The following BABAM2 variants were observed in gnomAD, a reference collection of about 807,000 sequenced individuals.
BABAM2 encodes BRISC and BRCA1-A complex member 2.
A neutral mutation model predicts 54.7 loss-of-function variants in BABAM2; 31 were observed. The ratio of observed to expected loss-of-function variants is 0.57; its 90% confidence interval spans 0.43 to 0.77. The LOEUF is 0.77. BABAM2 is among the 30% of genes least tolerant of loss of function. The pLI is 0.00. For missense variants in BABAM2, 364 were observed against 455.8 expected, an observed-to-expected ratio of 0.80 and a Z score of 1.83; for synonymous variants, 167 against 162.9, an observed-to-expected ratio of 1.03 and a Z score of -0.19.
chr2:27,910,338 A>C (rs1205762102), intron 2 of BABAM2, among the ~76,000 whole-genome samples: 2 of 152,218 alleles, frequency 1.3e-5, no homozygotes, highest in African/African-American at 2.4e-5. Context: ...TCAGAGAAAC[A>C]AAAAAGGTTA....
chr2:27,985,105 G>A (rs184470559), intron 3 of BABAM2, among the ~76,000 whole-genome samples: 3 of 133,408 alleles, frequency 2.2e-5, no homozygotes, highest in Admixed American at 8.1e-5. Flanking sequence ...GTGTAGCTAC[G>A]ATTTCTTTAT....
intron 2 of BABAM2, among the ~76,000 whole-genome samples, chr2:27,912,930 G>T (rs1666714070): frequency 6.6e-6 from 1 of 152,120 alleles, no homozygotes; most frequent in African/African-American, 2.4e-5. Context: ...CACTTGGAAA[G>T]AAATAAATTA....
rs148420287 is a variant in BABAM2, at chr2:27,903,297, A to G, written c.128+8613A>G. ...AAATGTCATGATAGCCAGTAGGACA[A>G]ATTCCCCCCTTCCATCTTGTTCTAA... is the stretch of plus-strand genomic sequence containing the variant. On this transcript the variant is annotated intron_variant, in intron 2 of 11. Transcript: ENST00000379624. Among the ~76,000 whole-genome samples, 157 of 152,306 alleles carry G rather than the reference A, an allele frequency of 1.0e-3. 5 individuals carry two copies. The East Asian group carries it at 0.024, about 23-fold the overall frequency.
At chr2:28,035,841 T>C (rs914293141) in intron 5 of BABAM2, among the ~76,000 whole-genome samples, 7 of 152,060 alleles carry the variant, frequency 4.6e-5, no homozygotes, top group African/African-American at 1.4e-4. Flanking sequence ...TTATAACTTT[T>C]AAAATCATAC....
At chr2:28,261,263 T>C (rs1013292084) in intron 10 of BABAM2, among the ~76,000 whole-genome samples, 4 of 151,990 alleles carry the variant, frequency 2.6e-5, no homozygotes, top group African/African-American at 9.7e-5. Flanking sequence ...ATTTTCAAAT[T>C]GCTAATTGTT....
intron 6 of BABAM2, among the ~76,000 whole-genome samples, chr2:28,100,623 A>G (rs1438246166): frequency 6.6e-6 from 1 of 152,158 alleles, no homozygotes; most frequent in Non-Finnish European, 1.5e-5. Context: ...ATTTCAGTAC[A>G]TGTAACTATT....
At chr2:28,102,097 T>C (rs1667134249) in intron 6 of BABAM2, among the ~76,000 whole-genome samples, 1 of 152,234 alleles carries the variant, frequency 6.6e-6, no homozygotes, top group Non-Finnish European at 1.5e-5. Flanking sequence ...CATCCCCTGC[T>C]GAAAGGTAGG....
intron 3 of BABAM2, among the ~76,000 whole-genome samples, chr2:27,981,507 C>T (rs1012343752): frequency 1.3e-5 from 2 of 152,094 alleles, no homozygotes; most frequent in African/African-American, 4.8e-5. Flanking sequence ...CAGTCGCTTC[C>T]CATTCTCCTG....
chr2:28,154,055 A>T (rs1437641947), intron 7 of BABAM2, among the ~76,000 whole-genome samples: 4 of 152,122 alleles, frequency 2.6e-5, no homozygotes, highest in Non-Finnish European at 5.9e-5. Context: ...GGCTCTTTGG[A>T]GTTACACAAG....
At chr2:28,297,354 A>C (rs768709792) in intron 10 of BABAM2, among the ~76,000 whole-genome samples, 4 of 152,252 alleles carry the variant, frequency 2.6e-5, no homozygotes, top group African/African-American at 4.8e-5. Context: ...CTGTAAATCT[A>C]GAAAATTCTA....
At chr2:28,287,301 T>C (rs967891466) in intron 10 of BABAM2, among the ~76,000 whole-genome samples, 4 of 152,254 alleles carry the variant, frequency 2.6e-5, no homozygotes, top group African/African-American at 9.6e-5. Flanking sequence ...ATTTCTTTTT[T>C]AATCCTCCCA....
At chr2:27,890,362 T>C (rs376141839), upstream of BABAM2, 1 of 1,610,758 alleles carries the variant, frequency 6.2e-7, no homozygotes, top group East Asian at 2.2e-5. The surrounding 1 kb of genome is among the most constrained non-coding windows in gnomAD (Gnocchi z 4.8). Flanking sequence ...AAGGTGCTGC[T>C]GTCCAACCTG....
intron 4 of BABAM2, among the ~76,000 whole-genome samples, chr2:28,009,166 C>T (rs1241852609): frequency 1.3e-5 from 2 of 152,096 alleles, no homozygotes; most frequent in African/African-American, 4.8e-5. Context: ...CTGAACCTGA[C>T]TCCAAAATCA....
chr2:28,026,864 A>T (rs1322791456), intron 5 of BABAM2, among the ~76,000 whole-genome samples: 1 of 77,852 alleles, frequency 1.3e-5, no homozygotes, highest in East Asian at 2.7e-4. Context: ...ATATATATAG[A>T]TATATATATT....
chr2:27,975,807 C>G (rs929692655), intron 3 of BABAM2, among the ~76,000 whole-genome samples: 3 of 151,930 alleles, frequency 2.0e-5, no homozygotes, highest in Non-Finnish European at 4.4e-5. Flanking sequence ...ATGTATCTAA[C>G]AGAGAACAAA....
At chr2:28,009,062 A>G (rs921556351) in intron 4 of BABAM2, among the ~76,000 whole-genome samples, 1 of 152,164 alleles carries the variant, frequency 6.6e-6, no homozygotes, top group Non-Finnish European at 1.5e-5. Context: ...GTGAAGGTCT[A>G]GCGAGTTTAT....
chr2:28,276,480 C>T (rs1051828070), intron 10 of BABAM2, among the ~76,000 whole-genome samples: 6 of 152,214 alleles, frequency 3.9e-5, no homozygotes. Flanking sequence ...ATGTTTTTAG[C>T]AAAGACTGAT....
chr2:28,259,905 CTT>C (rs35967320), intron 10 of BABAM2, among the ~76,000 whole-genome samples: 3 of 146,462 alleles, frequency 2.0e-5, no homozygotes, highest in Admixed American at 6.8e-5. Flanking sequence ...CTTCTGAATT[CTT>C]TTTTTTTTTT....
In BABAM2 at chr2:28,234,164, C is replaced by G. The variant is rs749410161; in HGVS notation, c.681-3038C>G. On this transcript the variant is annotated intron_variant, in intron 7 of 11. Coordinates refer to ENST00000379624, the MANE Select transcript of BABAM2 (RefSeq NM_199191.3). Reference sequence around the variant, plus strand: ...TTTACCTATGTCTAGTTGTGTGAACCTAGGCAGTATTTTCTGTTCTCTGAG... The same window carrying G: ...TTTACCTATGTCTAGTTGTGTGAACGTAGGCAGTATTTTCTGTTCTCTGAG... Among the ~76,000 whole-genome samples, 74 of 152,086 alleles carry G rather than the reference C, an allele frequency of 4.9e-4. 1 individual carries two copies. Among genetic ancestry groups the G allele is most frequent in the Non-Finnish European group, 8.2e-4 (56 of 68,014 alleles).
Sources: allele counts gnomAD v4.1 joint callset (sites outside exome capture counted in the v4.1 genomes callset), GRCh38; gene constraint gnomAD v4.1.1; non-coding constraint Gnocchi (gnomAD v3.1); transcripts MANE v1.5; gene names NCBI Gene and HGNC (gene_info 2026-07-23, HGNC 2026-07-21).